The following TMEM117 variants were observed in gnomAD, a reference collection of about 807,000 sequenced individuals.
TMEM117 encodes the protein transmembrane protein 117.
TMEM117 carries 27 observed loss-of-function variants against 52.4 expected under a neutral mutation model. The observed-to-expected ratio is 0.51, with a 90% CI of 0.38 to 0.71. The LOEUF (loss-of-function observed/expected upper bound fraction) is 0.71, where lower values mean the gene tolerates loss of function less well. Among genes scored for constraint, TMEM117 ranks in the 30% least tolerant of loss-of-function variants. The pLI is 0.00. For synonymous variants in TMEM117, 215 were observed against 206.3 expected, an observed-to-expected ratio of 1.04 and a Z score of -0.36; for missense variants, 556 against 630.5, an observed-to-expected ratio of 0.88 and a Z score of 1.26.
chr12:44,023,406 T>G (rs991845188), intron 3 of TMEM117, among the ~76,000 whole-genome samples: 1 of 152,166 alleles, frequency 6.6e-6, no homozygotes, highest in African/African-American at 2.4e-5. Context: ...CCACACTGAC[T>G]TCCACAATGG....
intron 4 of TMEM117, among the ~76,000 whole-genome samples, chr12:44,197,374 C>G (rs776390645): frequency 6.6e-5 from 10 of 152,054 alleles, no homozygotes; most frequent in Non-Finnish European, 1.5e-4. Context: ...GATCAGTTAT[C>G]CATGTTAACA....
Position 43,959,123 on chromosome 12 carries a change from A to G in TMEM117, c.410+14781A>G, listed in dbSNP as rs142740202. Among the ~76,000 whole-genome samples the G allele has an allele frequency of 7.9e-3, 1,204 of 152,288 alleles. 15 individuals carry two copies. The highest frequency in any genetic ancestry group is 0.026 in the African/African-American group (1,093 of 41,570). On this transcript the variant is annotated intron_variant, in intron 3 of 7. Coordinates refer to ENST00000266534, the MANE Select transcript of TMEM117 (RefSeq NM_032256.3). ...CGCCCGGCCAAAATGCATGGTTTCT[A>G]TGTGCTGAGGGGGCAGCAAAAGCAA...
chr12:43,916,736 G>C (rs1306447017), intron 2 of TMEM117, among the ~76,000 whole-genome samples: 2 of 152,122 alleles, frequency 1.3e-5, no homozygotes, highest in African/African-American at 4.8e-5. Flanking sequence ...CAGTTACTGG[G>C]ACTAAAAAAT....
At chr12:44,395,638 G>T in the TMEM117 span, among the ~76,000 whole-genome samples, 1 of 152,092 alleles carries the variant, frequency 6.6e-6, no homozygotes, top group African/African-American at 2.4e-5. Context: ...GTGTTCACTG[G>T]GTAGCCTTAC....
At chr12:43,849,489 T>C (rs1371240786) in intron 2 of TMEM117, among the ~76,000 whole-genome samples, 1 of 152,258 alleles carries the variant, frequency 6.6e-6, no homozygotes. Flanking sequence ...TTATCTCTTA[T>C]ACTAAAATCA....
intron 3 of TMEM117, among the ~76,000 whole-genome samples, chr12:44,019,329 C>T (rs1234710669): frequency 6.6e-6 from 1 of 151,982 alleles, no homozygotes; most frequent in African/African-American, 2.4e-5. Context: ...TCAATTCTCA[C>T]TCCCCAGGAG....
In TMEM117 at chr12:44,029,037, A is replaced by G. The variant is rs1205261764; in HGVS notation, c.410+84695A>G. Reference sequence around the variant, plus strand: ...AAAGGAAATAGACAGCACTGATTGGATGACTTTGGGTATATGCATACCCAG... The same window carrying G: ...AAAGGAAATAGACAGCACTGATTGGGTGACTTTGGGTATATGCATACCCAG... On this transcript the variant is annotated intron_variant, in intron 3 of 7. Transcript: ENST00000266534. 5.3e-5 allele frequency among the ~76,000 whole-genome samples: 8 copies of G among 152,316 alleles called. No homozygotes were observed. The East Asian group carries it at 1.5e-3, about 29-fold the overall frequency.
rs191623549 is a variant in TMEM117, at chr12:44,130,633, A to G, written c.411-12892A>G. ...CTCCATTGTAGGACTGTACTATAAT[A>G]TGCTCATCCATTCTTCTGGGCCTGG... On this transcript the variant is annotated intron_variant, in intron 3 of 7. Transcript: ENST00000266534. Among the ~76,000 whole-genome samples, 1,241 of 152,278 alleles carry G rather than the reference A, an allele frequency of 8.1e-3. 12 individuals carry two copies. The highest frequency in any genetic ancestry group is 0.028 in the African/African-American group (1,182 of 41,562).
At chr12:44,128,814 G>T (rs1432191923) in intron 3 of TMEM117, among the ~76,000 whole-genome samples, 1 of 152,310 alleles carries the variant, frequency 6.6e-6, no homozygotes, top group South Asian at 2.1e-4. Flanking sequence ...TTTGCAAAAT[G>T]AGTATAAATT....
chr12:44,289,552 T>C (rs956405334), intron 5 of TMEM117, among the ~76,000 whole-genome samples: 5 of 103,802 alleles, frequency 4.8e-5, no homozygotes, highest in East Asian at 4.2e-4. Context: ...TCTTTTCTCT[T>C]TTTTTTTTTT....
chr12:44,047,915 CTTTAT>C (rs1244528154), intron 3 of TMEM117, among the ~76,000 whole-genome samples: 2 of 152,142 alleles, frequency 1.3e-5, no homozygotes, highest in Non-Finnish European at 2.9e-5. Flanking sequence ...AAAGTTCCCT[CTTTAT>C]CTGTTCACTG....
chr12:43,887,709 A>G (rs1432423358), intron 2 of TMEM117, among the ~76,000 whole-genome samples: 1 of 152,220 alleles, frequency 6.6e-6, no homozygotes, highest in Non-Finnish European at 1.5e-5. Context: ...ATGACGGCAG[A>G]AAGTTCAGCA....
chr12:43,798,704 A>G, the TMEM117 span: 1 of 1,071,810 alleles, frequency 9.3e-7, no homozygotes, highest in East Asian at 2.7e-5. Flanking sequence ...TACCAGTTTA[A>G]TATTAAATGA....
intron 6 of TMEM117, among the ~76,000 whole-genome samples, chr12:44,338,170 G>A (rs1951367496): frequency 6.6e-6 from 1 of 152,052 alleles, no homozygotes; most frequent in South Asian, 2.1e-4. Flanking sequence ...TTAACACAAT[G>A]TCCTGCTTTA....
chr12:43,938,112 G>A (rs1055506862), intron 2 of TMEM117, among the ~76,000 whole-genome samples: 4 of 151,926 alleles, frequency 2.6e-5, no homozygotes, highest in African/African-American at 9.7e-5. Context: ...ATCAGGGGGA[G>A]GGTGTGCAGG....
At chr12:43,840,446 G>C (rs993125265) in intron 1 of TMEM117, among the ~76,000 whole-genome samples, 2 of 152,086 alleles carry the variant, frequency 1.3e-5, no homozygotes, top group African/African-American at 4.8e-5. Context: ...GTTGAGGGGG[G>C]GTGCATTAGT....
intron 3 of TMEM117, among the ~76,000 whole-genome samples, chr12:44,095,772 C>A (rs1947748777): frequency 6.6e-6 from 1 of 152,048 alleles, no homozygotes; most frequent in South Asian, 2.1e-4. Context: ...ACTGAATGGG[C>A]AAAAACTGGA....
At chr12:43,902,825 A>G (rs2137509296) in intron 2 of TMEM117, among the ~76,000 whole-genome samples, 1 of 152,360 alleles carries the variant, frequency 6.6e-6, no homozygotes, top group Non-Finnish European at 1.5e-5. Context: ...AGATTTCAGC[A>G]TAATCTTAAA....
At chr12:43,798,575 T>C in the TMEM117 span, 6 of 1,523,368 alleles carry the variant, frequency 3.9e-6, no homozygotes, top group Non-Finnish European at 4.4e-6. Flanking sequence ...CCCAATATGA[T>C]CCTCTGGGCT....
Sources: allele counts gnomAD v4.1 joint callset (sites outside exome capture counted in the v4.1 genomes callset), GRCh38; gene constraint gnomAD v4.1.1; transcripts MANE v1.5; gene names NCBI Gene and HGNC (gene_info 2026-07-23, HGNC 2026-07-21).